Variants in PEMT observed in about 807,000 individuals in gnomAD.
The protein encoded by PEMT is phospholipid methyltransferase.
In PEMT, 23 loss-of-function variants were observed where a neutral mutation model predicts 27.4. The observed-to-expected ratio is 0.84, with a 90% confidence interval of 0.60 to 1.19. PEMT has a LOEUF of 1.19. Ranked by LOEUF, PEMT falls within the 50% of genes most tolerant of loss-of-function variation. The pLI is 0.00. For synonymous variants in PEMT, 137 were observed against 139.1 expected (o/e 0.98, Z 0.11); for missense variants, 307 against 310.1 (o/e 0.99, Z 0.07).
chr17:17,539,861 G>A (rs1013083805), intron 2 of PEMT, among the ~76,000 whole-genome samples: 5 of 152,194 alleles, frequency 3.3e-5, no homozygotes, highest in African/African-American at 4.8e-5. Flanking sequence ...ATGCACTGGC[G>A]CCTGAATCTC....
intron 3 of PEMT, among the ~76,000 whole-genome samples, chr17:17,514,692 G>A (rs1567668464): frequency 6.6e-6 from 1 of 152,238 alleles, no homozygotes; most frequent in Non-Finnish European, 1.5e-5. Context: ...GGAATCAGGT[G>A]GCCACATGCA....
intron 3 of PEMT, among the ~76,000 whole-genome samples, chr17:17,522,069 C>G (rs895654650): frequency 6.6e-6 from 1 of 152,170 alleles, no homozygotes; most frequent in Non-Finnish European, 1.5e-5. Context: ...ATTCACATAC[C>G]CCCATTCCTG....
chr17:17,566,448 C>T (rs1169423613), intron 2 of PEMT, among the ~76,000 whole-genome samples: 1 of 152,196 alleles, frequency 6.6e-6, no homozygotes. Flanking sequence ...TCAGACCCCA[C>T]CCCTAGTTTC....
chr17:17,540,099 G>A (rs1908776074), intron 2 of PEMT, among the ~76,000 whole-genome samples: 1 of 152,244 alleles, frequency 6.6e-6, no homozygotes, highest in East Asian at 1.9e-4. Context: ...ACGCCCCAAG[G>A]GAAGGGGCCA....
intron 4 of PEMT, among the ~76,000 whole-genome samples, chr17:17,511,744 G>A (rs530180814): frequency 3.3e-4 from 51 of 152,264 alleles, no homozygotes; most frequent in Middle Eastern, 3.4e-3. Context: ...CCTTGGACAG[G>A]GACTGCCTCC....
At chr17:17,556,040 G>A (rs189628440) in intron 2 of PEMT, among the ~76,000 whole-genome samples, 42 of 152,362 alleles carry the variant, frequency 2.8e-4, no homozygotes, top group African/African-American at 9.1e-4. Context: ...CATGATGAGC[G>A]GAACACAGCC....
intron 2 of PEMT, among the ~76,000 whole-genome samples, chr17:17,560,867 T>G (rs1212436692): frequency 6.6e-6 from 1 of 151,808 alleles, no homozygotes; most frequent in East Asian, 2.0e-4. Flanking sequence ...ACCTACACGC[T>G]GCCTGAGCTT....
intron 2 of PEMT, among the ~76,000 whole-genome samples, chr17:17,540,317 G>A (rs894537427): frequency 2.0e-5 from 3 of 152,220 alleles, no homozygotes; most frequent in South Asian, 2.1e-4. Flanking sequence ...TGGACTCTGC[G>A]CTCTATCCCA....
Position 17,522,357 on chromosome 17 carries a change from C to T in PEMT, c.243G>A (p.Arg81=). The T allele has an allele frequency of 6.2e-7, 1 of 1,613,806 alleles. No individual in the cohort carries two copies. Among genetic ancestry groups the T allele is most frequent in the Non-Finnish European group, 8.5e-7 (1 of 1,179,908 alleles). ...RWEHKTRKLS[R]AFGSPYLACY... is the part of the protein sequence containing the mutation. ...AGGCCAGGTAGGGGGATCCGAAGGC[C>T]CTGCTCAGCTTGCGGGTCTTGTGTT... The change falls in exon 3 of 7, where the codon AGG becomes AGA. Residue 81 remains arginine, a synonymous_variant. Coordinates refer to ENST00000255389, the MANE Select transcript of PEMT (RefSeq NM_148172.3).
At chr17:17,550,142 T>C (rs977359566) in intron 2 of PEMT, among the ~76,000 whole-genome samples, 1 of 152,138 alleles carries the variant, frequency 6.6e-6, no homozygotes, top group African/African-American at 2.4e-5. Context: ...GAAAATACCA[T>C]GTTCTGTGCT....
chr17:17,537,666 G>C (rs1034867649), intron 2 of PEMT, among the ~76,000 whole-genome samples: 2 of 152,218 alleles, frequency 1.3e-5, no homozygotes, highest in African/African-American at 4.8e-5. Flanking sequence ...AGATAGAGTG[G>C]GAGAAAGAGA....
At chr17:17,538,613 C>T (rs897406436) in intron 2 of PEMT, among the ~76,000 whole-genome samples, 2 of 152,144 alleles carry the variant, frequency 1.3e-5, no homozygotes, top group African/African-American at 4.8e-5. Context: ...GTTGTTTCAT[C>T]AGAAGATTCG....
intron 2 of PEMT, among the ~76,000 whole-genome samples, chr17:17,549,345 A>C (rs962899935): frequency 1.1e-4 from 17 of 152,164 alleles, no homozygotes; most frequent in Non-Finnish European, 1.5e-5. Context: ...ACATGCCACC[A>C]CACCTGGCTA....
In PEMT at chr17:17,513,531, A is replaced by C. The variant is rs935184729; in HGVS notation, c.321-877T>G. On this transcript the variant is annotated intron_variant, in intron 3 of 6. Transcript: ENST00000255389. This position sits in a 1 kb window ranked among gnomAD's most constrained non-coding sequence, Gnocchi z 4.1. ...AGAATCGCTTGAACCCAGGAGGCGG[A>C]GTTTGCACACCACTGCACTCCAGCC... Among the ~76,000 whole-genome samples the C allele has an allele frequency of 6.6e-6, 1 of 152,156 alleles. No individual in the cohort carries two copies. The highest frequency in any genetic ancestry group is 2.4e-5 in the African/African-American group (1 of 41,434).
chr17:17,589,244 G>A (rs1228093774), intron 1 of PEMT, among the ~76,000 whole-genome samples: 2 of 151,406 alleles, frequency 1.3e-5, no homozygotes, highest in African/African-American at 4.9e-5. Context: ...TTACAGGCGT[G>A]AGCCACCGTG....
intron 1 of PEMT, among the ~76,000 whole-genome samples, chr17:17,586,230 AAGAAAG>A (rs1287720276): frequency 1.1e-5 from 1 of 87,856 alleles, no homozygotes; most frequent in Non-Finnish European, 2.1e-5. Context: ...GAAAGAAAGA[AAGAAAG>A]AAAGAAAGAA....
chr17:17,571,310 G>A (rs904003724), intron 2 of PEMT, among the ~76,000 whole-genome samples: 1 of 152,054 alleles, frequency 6.6e-6, no homozygotes, highest in African/African-American at 2.4e-5. Flanking sequence ...GCATCGTGGC[G>A]CACAGGAAGG....
At chr17:17,570,872 TGA>T (rs1911151479) in intron 2 of PEMT, 1 of 985,088 alleles carries the variant, frequency 1.0e-6, no homozygotes, top group African/African-American at 1.7e-5. Context: ...CGGGGGCAGG[TGA>T]GAAGAGGGAG....
chr17:17,559,195 C>G (rs893999186), intron 2 of PEMT, among the ~76,000 whole-genome samples: 19 of 152,196 alleles, frequency 1.2e-4, no homozygotes, highest in Non-Finnish European at 4.4e-5. Flanking sequence ...AGCCCCTTCT[C>G]CACGCCTGGC....
Sources: allele counts gnomAD v4.1 joint callset (sites outside exome capture counted in the v4.1 genomes callset), GRCh38; gene constraint gnomAD v4.1.1; non-coding constraint Gnocchi (gnomAD v3.1); transcripts MANE v1.5; gene names NCBI Gene and HGNC (gene_info 2026-07-23, HGNC 2026-07-21).